ACE: variants seen among roughly 807,000 people sequenced by gnomAD.
The protein encoded by ACE is angiotensin-converting enzyme.
In ACE, 122 loss-of-function variants were observed where a neutral mutation model predicts 162.3. That is an observed-to-expected ratio of 0.75 (90% CI 0.65 to 0.87). ACE has a LOEUF of 0.87. ACE is among the 40% of genes least tolerant of loss of function. The pLI is 0.00. For synonymous variants in ACE, 796 were observed against 720.6 expected (o/e 1.10, Z -1.68); for missense variants, 1,799 against 1,735.1 (o/e 1.04, Z -0.65).
rs4310 is a variant in ACE at position 63,483,369 on chromosome 17, G to C, written c.1488-91G>C. Reference sequence around the variant, plus strand: ...TCCCCAGTTCCTCAGGATGGGGAAGGGTTGCCGGGTGGAAATGCCTTTTCT... The same window carrying C: ...TCCCCAGTTCCTCAGGATGGGGAAGCGTTGCCGGGTGGAAATGCCTTTTCT... On this transcript the variant is annotated intron_variant, in intron 9 of 24. Coordinates refer to ENST00000290866, the MANE Select transcript of ACE (RefSeq NM_000789.4). 26 of 1,465,696 alleles carry C rather than the reference G, an allele frequency of 1.8e-5. No individual in the cohort carries two copies. In the African/African-American group the frequency reaches 3.1e-4, roughly 17 times the overall value. The allele number at this position is 1,465,696 out of a possible 1,614,324, so 90.8% of individuals were successfully genotyped here.
In ACE at chr17:63,483,967, C is replaced by A; in HGVS notation, c.1705C>A (p.Leu569Ile). ...CCGGTCCACCAAGGCAGGGGCCAAG[C>A]TCCGGTGTGTGGTGGGAAGCCGGGG... ...IYRSTKAGAK[L>I]RKVLQAGSSR... Residue 569 changes from leucine (L) to isoleucine (I), a missense_variant, in exon 11 of 25, where the codon CTC becomes ATC. Physicochemically the swap from Leu to Ile is conservative, Grantham distance 5. Coordinates refer to ENST00000290866, the MANE Select transcript of ACE (RefSeq NM_000789.4). 6.2e-7 allele frequency: 1 copy of A among 1,613,558 alleles called. No homozygotes were observed.
At position 63,478,017 on chromosome 17, in the gene ACE, C is replaced by A; in HGVS notation, c.336C>A (p.Phe112Leu). 6.2e-7 allele frequency: 1 copy of A among 1,610,422 alleles called. No homozygotes were observed. Among genetic ancestry groups the A allele is most frequent in the African/African-American group, 1.3e-5 (1 of 74,992 alleles). Residue 112 changes from phenylalanine to leucine, a missense_variant, in exon 2 of 25, where the codon TTC (phenylalanine) becomes TTA (leucine). Coordinates refer to ENST00000290866, the MANE Select transcript of ACE (RefSeq NM_000789.4). ...KELYEPIWQN[F>L]TDPQLRRIIG... ...TGTATGAACCGATCTGGCAGAACTT[C>A]ACGGACCCGCAGCTGCGCAGGATCA... is the stretch of plus-strand genomic sequence containing the variant.
rs148193919 is a variant in ACE at position 63,481,677 on chromosome 17, G to A, written c.1057G>A (p.Asp353Asn). ...WEGSMLEKPA[D>N]GREVVCHASA... is the part of the protein sequence containing the mutation. ...AGGGTCGATGCTGGAGAAGCCGGCCGACGGGCGGGAAGTGGTGTGCCACGC... is the reference window on the plus strand; with the variant it reads ...AGGGTCGATGCTGGAGAAGCCGGCCAACGGGCGGGAAGTGGTGTGCCACGC... Residue 353 changes from aspartate (D) to asparagine (N), a missense_variant, in exon 7 of 25, where the codon GAC (aspartate) becomes AAC (asparagine). Coordinates refer to ENST00000290866, the MANE Select transcript of ACE (RefSeq NM_000789.4). The A allele has an allele frequency of 1.6e-4, 255 of 1,614,058 alleles. 1 individual carries two copies. The East Asian group carries it at 3.2e-3, about 20-fold the overall frequency.
In ACE at chr17:63,479,068, A is replaced by C; in HGVS notation, c.479A>C (p.Asn160Thr). Residue 160 changes from asparagine (N) to threonine (T), a missense_variant, in exon 3 of 25, where the codon AAC becomes ACC. Transcript: ENST00000290866. The stretch of plus-strand genomic sequence containing the variant: ...TCCACCGCCAAGGTCTGCCTCCCCA[A>C]CAAGACTGCCACCTGCTGGTCCCTG... ...IYSTAKVCLP[N>T]KTATCWSLDP... The C allele has an allele frequency of 6.2e-7, 1 of 1,612,990 alleles. No homozygotes were observed. The highest frequency in any genetic ancestry group is 8.5e-7 in the Non-Finnish European group (1 of 1,179,800).
At chr17:63,485,540 G>A in intron 13 of ACE, 168 bp downstream of exon 13, 1 of 913,104 alleles carries the variant, frequency 1.1e-6, no homozygotes, top group South Asian at 1.4e-5. Flanking sequence ...CAGCACTTTG[G>A]GAGGGGGAGG....
In ACE at chr17:63,482,638, CCTGAACATCTG is replaced by C. The variant is rs1388420671; in HGVS notation, c.1293_1303del (p.Glu432GlnfsTer11). ...CGTGCTGGCGCTCTCGGTCTCCACT[CCTGAACATCTG>C]CACAAAATCGGCCTGCTGGACCGTG... On this transcript the variant is annotated frameshift_variant, in exon 8 of 25. Coordinates refer to ENST00000290866, the MANE Select transcript of ACE (RefSeq NM_000789.4). LOFTEE classifies it high-confidence loss of function. 6.2e-7 allele frequency: 1 copy of C among 1,613,946 alleles called. No homozygotes were observed. Among genetic ancestry groups the C allele is most frequent in the African/African-American group, 1.3e-5 (1 of 74,934 alleles).
In ACE at chr17:63,497,167, G is replaced by A; in HGVS notation, c.3722G>A (p.Gly1241Asp). The change falls in exon 25 of 25, where the codon GGC (glycine) becomes GAC (aspartate). Residue 1241 changes from glycine (G) to aspartate (D), a missense_variant. Transcript: ENST00000290866. ...ARSEGPLPDS[G>D]RVSFLGLDLD... ...TCAGAAGGGCCCCTCCCAGACAGCG[G>A]CCGCGTCAGCTTCCTGGGCCTGGAC... is the stretch of plus-strand genomic sequence containing the variant. 1 of 1,604,028 alleles carries A rather than the reference G, an allele frequency of 6.2e-7. No individual in the cohort carries two copies. The highest frequency in any genetic ancestry group is 8.5e-7 in the Non-Finnish European group (1 of 1,179,252).
Position 63,491,483 on chromosome 17 carries a change from GCA to G in ACE, c.2912+103_2912+104del. On this transcript the variant is annotated intron_variant, in intron 19 of 24. Transcript: ENST00000290866. This position sits in a 1 kb window ranked among gnomAD's most constrained non-coding sequence, Gnocchi z 4.4. ...CTGTCCCCCAGCTGGAGCCAGCAGG[GCA>G]GGATGGGGACAGGGCCAGAGTTTGG... 2.0e-6 allele frequency: 3 copies of G among 1,493,072 alleles called. No individual in the cohort carries two copies. Among genetic ancestry groups the G allele is most frequent in the Non-Finnish European group, 2.8e-6 (3 of 1,081,896 alleles). The allele number at this position is 1,493,072 out of a possible 1,614,324, so 92.5% of individuals were successfully genotyped here. A position where few individuals can be genotyped will look rare whatever the true frequency, so the allele number is the denominator to read the frequency against.
intron 14 of ACE, 106 bp from the exon 15 acceptor site, chr17:63,486,880 C>T (rs756848492): frequency 3.7e-5 from 54 of 1,454,042 alleles, no homozygotes; most frequent in Non-Finnish European, 4.7e-5. Flanking sequence ...CGCTCCCCAG[C>T]TCCCTGGCTC....
chr17:63,489,067 C>T lies in ACE; in HGVS notation c.2576C>T (p.Ala859Val). ...AACCTGCATGCCTACGTGCGCCGGG[C>T]CCTGCACCGTCACTACGGGGCCCAG... ...YLNLHAYVRR[A>V]LHRHYGAQHI... The change falls in exon 17 of 25, where the codon GCC (alanine) becomes GTC (valine). Residue 859 changes from alanine (A) to valine (V), a missense_variant. Transcript: ENST00000290866. 1 of 1,613,968 alleles carries T rather than the reference C, an allele frequency of 6.2e-7. No individual in the cohort carries two copies. The highest frequency in any genetic ancestry group is 8.5e-7 in the Non-Finnish European group (1 of 1,180,040).
Position 63,484,746 on chromosome 17 carries a change from C to T in ACE, c.1921+205C>T. 1 of 1,466,850 alleles carries T rather than the reference C, an allele frequency of 6.8e-7. No homozygotes were observed. 90.9% of individuals were successfully genotyped at this position (1,466,850 alleles called of 1,614,324 possible). On this transcript the variant is annotated intron_variant, in intron 12 of 24. Coordinates refer to ENST00000290866, the MANE Select transcript of ACE (RefSeq NM_000789.4). The surrounding 1 kb of genome is among the most constrained non-coding windows in gnomAD (Gnocchi z 4.0). ...CCCAGCATCCTAGAGAGGGTGTGCT[C>T]AGACCTGAGGGCCCCTCCCCTTCCA...
At chr17:63,486,854 A>C in intron 14 of ACE, 132 bp from the exon 15 acceptor site, 2 of 1,470,372 alleles carry the variant, frequency 1.4e-6, no homozygotes, top group Non-Finnish European at 1.9e-6. Flanking sequence ...GCACCTCAGA[A>C]CTGCTGAGAG....
At position 63,488,748 on chromosome 17, in the gene ACE, C is replaced by T; in HGVS notation, c.2406C>T (p.Tyr802=). ...DKAGRAILQF[Y]PKYVELINQA... ...CGGGGAGAGCCATCCTCCAGTTTTA[C>T]CCGAAATACGTGGAACTCATCAACC... Residue 802 remains tyrosine (Y), a synonymous_variant, in exon 16 of 25, where the codon TAC becomes TAT. Transcript: ENST00000290866. The T allele has an allele frequency of 6.2e-7, 1 of 1,613,814 alleles. No individual in the cohort carries two copies. Among genetic ancestry groups the T allele is most frequent in the Non-Finnish European group, 8.5e-7 (1 of 1,179,978 alleles).
chr17:63,477,978 G>C lies in ACE; in HGVS notation c.297G>C (p.Gln99His). Residue 99 changes from glutamine to histidine, a missense_variant, in exon 2 of 25, where the codon CAG becomes CAC. Transcript: ENST00000290866. The part of the protein sequence containing the change: ...LSQEFAEAWG[Q>H]KAKELYEPIW... ...AGGAGTTTGCGGAGGCCTGGGGCCA[G>C]AAGGCCAAGGAGCTGTATGAACCGA... 4 of 1,612,322 alleles carry C rather than the reference G, an allele frequency of 2.5e-6. No individual in the cohort carries two copies. Among genetic ancestry groups the C allele is most frequent in the Non-Finnish European group, 3.4e-6 (4 of 1,179,522 alleles).
Position 63,487,030 on chromosome 17 carries a change from C to T in ACE, c.2262C>T (p.Ala754=), listed in dbSNP as rs747769267. Residue 754 remains alanine, a synonymous_variant, in exon 15 of 25, where the codon GCC becomes GCT. Transcript: ENST00000290866. ...ATATGGAAACCACCTACAGCGTGGCCACTGTGTGCCACCCGAATGGCAGCT... is the reference window on the plus strand; with the variant it reads ...ATATGGAAACCACCTACAGCGTGGCTACTGTGTGCCACCCGAATGGCAGCT... ...LLDMETTYSV[A]TVCHPNGSCL... The T allele has an allele frequency of 1.2e-6, 2 of 1,613,770 alleles. No homozygotes were observed. Among genetic ancestry groups the T allele is most frequent in the African/African-American group, 2.7e-5 (2 of 74,916 alleles).
At chr17:63,486,936 G>A (rs745628038) in intron 14 of ACE, 50 bp from the exon 15 acceptor site, 18 of 1,561,410 alleles carry the variant, frequency 1.2e-5, no homozygotes, top group Non-Finnish European at 1.3e-5. Flanking sequence ...AGGCCCCAGA[G>A]AGACCAAGTG....
chr17:63,482,540 A>G lies in ACE; in HGVS notation c.1193A>G (p.Tyr398Cys). ...VHHEMGHIQY[Y>C]LQYKDLPVSL... Reference sequence around the variant, plus strand: ...CATGAGATGGGCCATATACAGTACTACCTGCAGTACAAGGATCTGCCCGTC... The same window carrying G: ...CATGAGATGGGCCATATACAGTACTGCCTGCAGTACAAGGATCTGCCCGTC... Residue 398 changes from tyrosine (Y) to cysteine (C), a missense_variant, in exon 8 of 25, where the codon TAC (tyrosine) becomes TGC (cysteine). Transcript: ENST00000290866. The G allele has an allele frequency of 1.2e-6, 2 of 1,614,042 alleles. No homozygotes were observed. Among genetic ancestry groups the G allele is most frequent in the Non-Finnish European group, 1.7e-6 (2 of 1,180,012 alleles).
At chr17:63,486,312 GTCTTC>G (rs950038012) in intron 13 of ACE, 3 of 574,856 alleles carry the variant, frequency 5.2e-6, no homozygotes, top group South Asian at 2.0e-5. Context: ...ACACTTGGGG[GTCTTC>G]TCTTCTCTGC....
At chr17:63,480,997 A>T (rs897052453) in intron 5 of ACE, 94 bp from the exon 6 acceptor site, 4 of 1,201,852 alleles carry the variant, frequency 3.3e-6, no homozygotes, top group Non-Finnish European at 5.0e-6. Flanking sequence ...GCCCCAGGGT[A>T]CAGGTGCCGG....
Sources: allele counts gnomAD v4.1 joint callset, GRCh38; gene constraint gnomAD v4.1.1; non-coding constraint Gnocchi (gnomAD v3.1); transcripts MANE v1.5; gene names NCBI Gene and HGNC (gene_info 2026-07-23, HGNC 2026-07-21).